The following CLEC12A variants were observed in gnomAD, a reference collection of about 807,000 sequenced individuals.
CLEC12A encodes C-type lectin protein CLL-1.
Under a neutral mutation model 26.5 loss-of-function variants are expected in CLEC12A, and 22 were observed. The ratio of observed to expected loss-of-function variants is 0.83; its 90% CI spans 0.59 to 1.19. The LOEUF is 1.19. CLEC12A is among the 50% of genes most tolerant of loss of function. The probability of loss-of-function intolerance (pLI) is 0.00; values close to 1 mark genes in which losing one functional copy is unlikely to be tolerated. For missense variants in CLEC12A, 353 were observed against 315.6 expected (o/e 1.12, Z -0.90); for synonymous variants, 119 against 101.9 (o/e 1.17, Z -1.01).
chr12:9,974,631 T>C (rs1864259593), intron 1 of CLEC12A, among the ~76,000 whole-genome samples: 1 of 152,234 alleles, frequency 6.6e-6, no homozygotes, highest in Non-Finnish European at 1.5e-5. Context: ...GTGTTTTCTC[T>C]GTGCCAGTTC....
At chr12:9,980,787 G>GAGA in intron 4 of CLEC12A, 54 bp downstream of exon 4, 2 of 1,575,242 alleles carry the variant, frequency 1.3e-6, no homozygotes, top group Non-Finnish European at 1.7e-6. Context: ...TGGCATGTTG[G>GAGA]AGAAGACTTC....
In CLEC12A at chr12:9,990,637, A is replaced by G. The variant is rs537095252; in HGVS notation, n.1005-4381A>G. ...CTGTGAACATTGTTGAAATGCTAAT[A>G]AAGTATTCTGAATATTGCATAAACT... On this transcript the variant is annotated intron_variant and non_coding_transcript_variant, in intron 4 of 4. Transcript: ENST00000449959. Among the ~76,000 whole-genome samples the G allele has an allele frequency of 3.3e-5, 5 of 152,366 alleles. No individual in the cohort carries two copies. The East Asian group carries it at 5.8e-4, about 18-fold the overall frequency.
downstream of CLEC12A, chr12:9,995,794 AATT>A (rs1051456430): frequency 7.4e-5 from 14 of 188,248 alleles, no homozygotes; most frequent in Non-Finnish European, 2.2e-5. Context: ...ACTTTCTTCT[AATT>A]AGCAATTATC....
At chr12:9,996,751 G>A (rs1160780737), downstream of CLEC12A, 2 of 1,276,584 alleles carry the variant, frequency 1.6e-6, no homozygotes, top group Non-Finnish European at 2.3e-6. Flanking sequence ...ACTGAAAGAT[G>A]TTAAGAAAAA....
the CLEC12A span, among the ~76,000 whole-genome samples, chr12:10,005,824 G>GTC: frequency 1.3e-5 from 2 of 151,814 alleles, no homozygotes; most frequent in Non-Finnish European, 2.9e-5. Context: ...TTTCCTTTAA[G>GTC]TCTTTGATAC....
the CLEC12A span, among the ~76,000 whole-genome samples, chr12:10,001,730 A>T: frequency 1.3e-5 from 2 of 152,248 alleles, no homozygotes; most frequent in East Asian, 3.9e-4. Context: ...CCTTTTCCCA[A>T]ATCCAGAGTC....
At chr12:9,982,816 A>C (rs1280233225) in intron 5 of CLEC12A, among the ~76,000 whole-genome samples, 1 of 152,056 alleles carries the variant, frequency 6.6e-6, no homozygotes, top group East Asian at 1.9e-4. Context: ...TGGAGTCTCC[A>C]ATGTCTATTA....
At chr12:9,981,975 A>T in intron 4 of CLEC12A, 45 bp from the exon 5 acceptor site, 1 of 963,406 alleles carries the variant, frequency 1.0e-6, no homozygotes. Flanking sequence ...TAAAATACAA[A>T]AGTAGGAGAC....
intron 4 of CLEC12A, 80 bp from the exon 5 acceptor site, chr12:9,981,940 A>C (rs918007466): frequency 8.6e-6 from 6 of 698,940 alleles, no homozygotes; most frequent in Admixed American, 5.8e-5. Context: ...TAAAACAGCA[A>C]TTTGTAAGAA....
exon 5 of CLEC12A, chr12:9,995,377 C>T (rs1865016622): frequency 1.3e-6 from 1 of 779,120 alleles, no homozygotes; most frequent in Non-Finnish European, 2.2e-6. Flanking sequence ...TAATGGATTA[C>T]ATTTGATGTT....
chr12:9,966,214 A>T (rs1171746717), intron 1 of CLEC12A, among the ~76,000 whole-genome samples: 1 of 152,218 alleles, frequency 6.6e-6, no homozygotes, highest in Non-Finnish European at 1.5e-5. Flanking sequence ...GGTAATGTGG[A>T]GTGGGTAGCC....
downstream of CLEC12A, among the ~76,000 whole-genome samples, chr12:9,987,723 T>C (rs1228913247): frequency 6.6e-6 from 1 of 152,172 alleles, no homozygotes; most frequent in East Asian, 1.9e-4. Context: ...ATTTTATAAT[T>C]CTGTTAACCT....
chr12:9,998,644 T>TTTTG (rs1555145643), downstream of CLEC12A, among the ~76,000 whole-genome samples: 1 of 145,618 alleles, frequency 6.9e-6, no homozygotes, highest in Non-Finnish European at 1.5e-5. Flanking sequence ...GTGTTTGTAT[T>TTTTG]TTTTGTTTTG....
chr12:9,959,670 T>C (rs7957596), intron 1 of CLEC12A, among the ~76,000 whole-genome samples: 49,435 of 151,754 alleles, frequency 0.33, 8,392 homozygotes, highest in Non-Finnish European at 0.37. Context: ...TCATACCACC[T>C]TGGAAATGAT....
At chr12:9,955,496 A>G (rs1863730041) in intron 1 of CLEC12A, among the ~76,000 whole-genome samples, 1 of 152,218 alleles carries the variant, frequency 6.6e-6, no homozygotes, top group Non-Finnish European at 1.5e-5. Flanking sequence ...AGTAATATAG[A>G]TAATTGCTAA....
At chr12:9,990,376 C>G (rs1231119628), downstream of CLEC12A, among the ~76,000 whole-genome samples, 2 of 152,138 alleles carry the variant, frequency 1.3e-5, no homozygotes, top group African/African-American at 4.8e-5. Context: ...TTAACAGACA[C>G]TTGGAAGAAG....
intron 1 of CLEC12A, chr12:9,952,177 C>CTCTCCCTCTCCCTCTCCG (rs1863625891): frequency 1.9e-5 from 2 of 103,972 alleles, no homozygotes; most frequent in African/African-American, 3.5e-5. Flanking sequence ...CTCCGTCTCC[C>CTCTCCCTCTCCCTCTCCG]TCTCCCTCTC....
At chr12:10,002,324 C>T in the CLEC12A span, among the ~76,000 whole-genome samples, 1 of 152,050 alleles carries the variant, frequency 6.6e-6, no homozygotes, top group African/African-American at 2.4e-5. Flanking sequence ...ATGTTTCAGA[C>T]ACTGAAATTG....
downstream of CLEC12A, among the ~76,000 whole-genome samples, chr12:10,000,197 T>A (rs1865140878): frequency 6.6e-6 from 1 of 152,216 alleles, no homozygotes; most frequent in African/African-American, 2.4e-5. Flanking sequence ...TTTTCTTTAC[T>A]TAGCAGAGTG....
Sources: gnomAD v4.1 joint callset for allele counts (sites outside exome capture counted in the v4.1 genomes callset) on GRCh38, gnomAD v4.1.1 for gene constraint, MANE v1.5 for transcripts, NCBI Gene and HGNC (gene_info 2026-07-23, HGNC 2026-07-21) for gene names.